The following ANXA6 variants were observed in gnomAD, a reference collection of about 807,000 sequenced individuals.
ANXA6 encodes annexin A6, also known as 67 kDa calelectrin.
A neutral mutation model predicts 95.4 loss-of-function variants in ANXA6; 71 were observed. That is an observed-to-expected ratio of 0.74 (90% CI 0.61 to 0.91). The LOEUF (loss-of-function observed/expected upper bound fraction) is 0.91, where lower values mean the gene tolerates loss of function less well. Among genes scored for constraint, ANXA6 ranks in the 40% least tolerant of loss-of-function variants. The probability of loss-of-function intolerance (pLI) is 0.00; values close to 1 mark genes in which losing one functional copy is unlikely to be tolerated. For missense variants in ANXA6, 830 were observed against 876.4 expected, an observed-to-expected ratio of 0.95 and a Z score of 0.67; for synonymous variants, 289 against 315.9, an observed-to-expected ratio of 0.91 and a Z score of 0.90.
chr5:151,117,635 G>A (rs1581987422), intron 19 of ANXA6, 123 bp downstream of exon 19: 2 of 836,490 alleles, frequency 2.4e-6, no homozygotes, highest in East Asian at 5.4e-5. Flanking sequence ...GGCAAGTGGG[G>A]AGACACCCCC....
rs1010223100 is a variant in ANXA6, at chr5:151,107,979, G to A, written c.1780+476C>T. ...GGTGTGTGTGTAGGTGTAGTGTCTT[G>A]TGGGGGTGTAGCATGTATGTGTATA... On this transcript the variant is annotated intron_variant, in intron 23 of 25. Coordinates refer to ENST00000354546, the MANE Select transcript of ANXA6 (RefSeq NM_001155.5). Among the ~76,000 whole-genome samples, 4 of 146,670 alleles carry A rather than the reference G, an allele frequency of 2.7e-5. No homozygotes were observed. The South Asian group carries it at 8.4e-4, about 31-fold the overall frequency.
chr5:151,131,620 T>G (rs1024446863), intron 10 of ANXA6, among the ~76,000 whole-genome samples: 1 of 152,184 alleles, frequency 6.6e-6, no homozygotes, highest in South Asian at 2.1e-4. Flanking sequence ...AGGTGTTTTT[T>G]AGACCTGCTA....
chr5:151,119,470 G>A (rs1765101098), intron 17 of ANXA6, 80 bp from the exon 18 acceptor site: 4 of 1,243,298 alleles, frequency 3.2e-6, no homozygotes, highest in Middle Eastern at 2.2e-4. Context: ...GACGGCTAAA[G>A]CTCAGGCCAA....
chr5:151,123,091 T>G, intron 15 of ANXA6, 80 bp from the exon 16 acceptor site: 3 of 1,217,766 alleles, frequency 2.5e-6, no homozygotes, highest in Non-Finnish European at 3.6e-6. Flanking sequence ...TGATGGCCCC[T>G]CATCGATCTT....
Position 151,109,841 on chromosome 5 carries a change from T to C in ANXA6, c.1596A>G (p.Ile532Met), listed in dbSNP as rs759040161. Reference sequence around the variant, plus strand: ...TTTTGTCTCCACTAGGTGTGTCTGCTATTTCCTGCAGAGCCCCAGTTGGAG... The same window carrying C: ...TTTTGTCTCCACTAGGTGTGTCTGCCATTTCCTGCAGAGCCCCAGTTGGAG... ...DAQVAAEILE[I>M]ADTPSGDKTS... Residue 532 changes from isoleucine to methionine, a missense_variant, in exon 22 of 26, where the codon ATA becomes ATG. Ile to Met is a conservative substitution (Grantham distance 10). Coordinates refer to ENST00000354546, the MANE Select transcript of ANXA6 (RefSeq NM_001155.5). 1.2e-6 allele frequency: 2 copies of C among 1,601,768 alleles called. No homozygotes were observed. The highest frequency in any genetic ancestry group is 1.7e-6 in the Non-Finnish European group (2 of 1,172,824).
intron 16 of ANXA6, among the ~76,000 whole-genome samples, chr5:151,122,709 G>A (rs1241913658): frequency 2.0e-5 from 3 of 152,202 alleles, no homozygotes; most frequent in African/African-American, 7.2e-5. Context: ...ACTCACACAA[G>A]TGTTGCCCAT....
chr5:151,109,058 A>C (rs531993934), intron 22 of ANXA6, among the ~76,000 whole-genome samples: 24 of 152,296 alleles, frequency 1.6e-4, no homozygotes, highest in African/African-American at 5.8e-4. Flanking sequence ...GGTAGAGCTA[A>C]AACCCTGATT....
intron 13 of ANXA6, among the ~76,000 whole-genome samples, chr5:151,127,013 C>T (rs943888745): frequency 1.3e-5 from 2 of 152,222 alleles, no homozygotes; most frequent in African/African-American, 2.4e-5. Flanking sequence ...CCACTGTGTC[C>T]GGCCAATGCT....
intron 18 of ANXA6, among the ~76,000 whole-genome samples, chr5:151,118,906 A>G (rs184442463): frequency 1.3e-5 from 2 of 152,300 alleles, no homozygotes; most frequent in East Asian, 3.9e-4. Context: ...GATTCTTCAG[A>G]ATGAAAATAT....
intron 2 of ANXA6, among the ~76,000 whole-genome samples, chr5:151,144,204 A>G (rs998653137): frequency 1.3e-5 from 2 of 152,148 alleles, no homozygotes; most frequent in African/African-American, 4.8e-5. Context: ...GGTTTTCCTT[A>G]CCCATTAAAC....
At chr5:151,137,046 A>C (rs780332895) in intron 6 of ANXA6, among the ~76,000 whole-genome samples, 185 bp downstream of exon 6, 2 of 152,182 alleles carry the variant, frequency 1.3e-5, no homozygotes, top group Admixed American at 1.3e-4. Context: ...CTTTGGTTTT[A>C]TCCCGAGAAC....
At chr5:151,154,614 G>A (rs1766190458) in intron 1 of ANXA6, among the ~76,000 whole-genome samples, 1 of 152,134 alleles carries the variant, frequency 6.6e-6, no homozygotes, top group Non-Finnish European at 1.5e-5. Context: ...AACCCTCCAG[G>A]AGCCTTGATT....
At chr5:151,110,422 C>T (rs1428942127) in intron 21 of ANXA6, among the ~76,000 whole-genome samples, 1 of 152,172 alleles carries the variant, frequency 6.6e-6, no homozygotes, top group Non-Finnish European at 1.5e-5. Context: ...GGTGGTTACA[C>T]AGCACAAATC....
At chr5:151,111,050 A>C (rs1010595830) in intron 20 of ANXA6, among the ~76,000 whole-genome samples, 1 of 152,178 alleles carries the variant, frequency 6.6e-6, no homozygotes, top group Admixed American at 6.5e-5. Flanking sequence ...TGAGCAGTGC[A>C]AAGTTCTCTG....
chr5:151,131,447 C>A (rs942632912), intron 10 of ANXA6, among the ~76,000 whole-genome samples, 158 bp from the exon 11 acceptor site: 1 of 152,132 alleles, frequency 6.6e-6, no homozygotes, highest in East Asian at 1.9e-4. Flanking sequence ...TCACCCCAGA[C>A]CAACCCACTT....
chr5:151,104,972 A>G (rs1190725267), intron 24 of ANXA6, among the ~76,000 whole-genome samples: 1 of 152,196 alleles, frequency 6.6e-6, no homozygotes, highest in Non-Finnish European at 1.5e-5. Flanking sequence ...TTCTGTCCCC[A>G]CCAGATGCTG....
At chr5:151,138,210 C>T (rs1205088894) in intron 5 of ANXA6, among the ~76,000 whole-genome samples, 1 of 152,200 alleles carries the variant, frequency 6.6e-6, no homozygotes, top group East Asian at 1.9e-4. Context: ...CCGGGCTGAA[C>T]TACTCTTCAT....
intron 23 of ANXA6, 88 bp downstream of exon 23, chr5:151,108,367 C>T: frequency 8.1e-7 from 1 of 1,232,246 alleles, no homozygotes; most frequent in East Asian, 2.3e-5. Context: ...CCAGTAGTAG[C>T]TTCGGAGGCT....
Position 151,139,399 on chromosome 5 carries a change from C to T in ANXA6, c.158G>A (p.Arg53Lys), listed in dbSNP as rs946259839. The T allele has an allele frequency of 2.5e-6, 4 of 1,613,678 alleles. No homozygotes were observed. Among genetic ancestry groups the T allele is most frequent in the Non-Finnish European group, 3.4e-6 (4 of 1,179,680 alleles). The change falls in exon 4 of 26, where the codon AGG (arginine) becomes AAG (lysine). Residue 53 changes from arginine (R) to lysine (K), a missense_variant. Coordinates refer to ENST00000354546, the MANE Select transcript of ANXA6 (RefSeq NM_001155.5). ...GCTCTGGCAGACCTCCTGCCTCTGC[C>T]TGTTGCTCCGTGAGGTGATTATGTC... Reference protein sequence around the residue: ...ILDIITSRSNRQRQEVCQSYK... With the variant: ...ILDIITSRSNKQRQEVCQSYK...
Sources: allele counts gnomAD v4.1 joint callset (sites outside exome capture counted in the v4.1 genomes callset), GRCh38; gene constraint gnomAD v4.1.1; transcripts MANE v1.5; gene names NCBI Gene and HGNC (gene_info 2026-07-23, HGNC 2026-07-21).